Variants in FOCAD observed in about 807,000 individuals in gnomAD.
FOCAD encodes KIAA1797.
In FOCAD, 198 loss-of-function variants were observed where a neutral mutation model predicts 225.6. The observed-to-expected ratio is 0.88, with a 90% CI of 0.78 to 0.99. FOCAD has a LOEUF of 0.99. FOCAD is among the 50% of genes least tolerant of loss of function. The pLI, the probability that FOCAD is intolerant of heterozygous loss-of-function variation, is 0.00. For missense variants in FOCAD, 2,713 were observed against 2,123.6 expected, an observed-to-expected ratio of 1.28 and a Z score of -5.46; for synonymous variants, 897 against 755.0, an observed-to-expected ratio of 1.19 and a Z score of -3.08.
intron 7 of FOCAD, among the ~76,000 whole-genome samples, chr9:20,767,213 C>A (rs1433960745): frequency 6.6e-6 from 1 of 151,276 alleles, no homozygotes; most frequent in Non-Finnish European, 1.5e-5. Context: ...TTTTCTTAAT[C>A]CAGTCTATCA....
At chr9:20,891,810 A>T (rs1233268684) in intron 21 of FOCAD, among the ~76,000 whole-genome samples, 3 of 152,218 alleles carry the variant, frequency 2.0e-5, no homozygotes, top group Non-Finnish European at 4.4e-5. Context: ...AAGATGGCTA[A>T]ACTAACCAAC....
chr9:20,956,043 G>T (rs1838107632), intron 35 of FOCAD, among the ~76,000 whole-genome samples: 1 of 152,124 alleles, frequency 6.6e-6, no homozygotes, highest in Non-Finnish European at 1.5e-5. Context: ...GTATATTTAA[G>T]TCCACGTAAT....
At chr9:20,773,331 A>G (rs928293665) in intron 8 of FOCAD, among the ~76,000 whole-genome samples, 1 of 152,252 alleles carries the variant, frequency 6.6e-6, no homozygotes, top group Admixed American at 6.5e-5. Flanking sequence ...AGTGTGCATA[A>G]AAATCACTAG....
At chr9:20,690,634 G>A (rs924436629) in intron 1 of FOCAD, among the ~76,000 whole-genome samples, 1 of 152,062 alleles carries the variant, frequency 6.6e-6, no homozygotes, top group African/African-American at 2.4e-5. Context: ...CCACAGCCTT[G>A]AACTCCTGGG....
intron 21 of FOCAD, among the ~76,000 whole-genome samples, chr9:20,905,381 T>C (rs1224002088): frequency 6.6e-6 from 1 of 152,050 alleles, no homozygotes; most frequent in Non-Finnish European, 1.5e-5. Context: ...CTTTCCTTTT[T>C]TAAACTCAAG....
chr9:20,782,885 A>G (rs1819519023), intron 10 of FOCAD, among the ~76,000 whole-genome samples: 1 of 152,258 alleles, frequency 6.6e-6, no homozygotes, highest in South Asian at 2.1e-4. Flanking sequence ...AATTGAATGT[A>G]TACTACAGCT....
At chr9:20,720,075 T>C (rs145850179) in intron 3 of FOCAD, among the ~76,000 whole-genome samples, 1 of 152,294 alleles carries the variant, frequency 6.6e-6, no homozygotes, top group Admixed American at 6.5e-5. Context: ...GTTAGAGCAA[T>C]GTGCTAGAGC....
intron 1 of FOCAD, among the ~76,000 whole-genome samples, chr9:20,698,299 G>A (rs1399799723): frequency 2.0e-5 from 3 of 151,460 alleles, no homozygotes; most frequent in Non-Finnish European, 1.5e-5. Context: ...TTGCCTATTT[G>A]TTTTTTTAAT....
intron 19 of FOCAD, among the ~76,000 whole-genome samples, chr9:20,880,864 T>C (rs970025854): frequency 6.6e-6 from 1 of 152,212 alleles, no homozygotes; most frequent in African/African-American, 2.4e-5. Flanking sequence ...TTAGCTTTAA[T>C]GTTTTTTGTT....
chr9:20,721,349 T>A (rs1376664166), intron 4 of FOCAD, among the ~76,000 whole-genome samples: 1 of 152,172 alleles, frequency 6.6e-6, no homozygotes, highest in Non-Finnish European at 1.5e-5. Flanking sequence ...ATCATCGGGC[T>A]GAGTACTTAA....
chr9:20,992,673 TCAGCAGCCAGG>T (rs1371736567), intron 42 of FOCAD, among the ~76,000 whole-genome samples: 2 of 152,032 alleles, frequency 1.3e-5, no homozygotes, highest in Non-Finnish European at 2.9e-5. Context: ...AAAACCTGTA[TCAGCAGCCAGG>T]CATGGTGGCT....
intron 4 of FOCAD, among the ~76,000 whole-genome samples, chr9:20,724,386 A>G (rs903086272): frequency 1.3e-5 from 2 of 152,188 alleles, no homozygotes; most frequent in Non-Finnish European, 2.9e-5. Context: ...TTTGGCCAAC[A>G]TGTGGAAGAA....
chr9:20,826,238 A>C (rs1281552636), intron 15 of FOCAD, among the ~76,000 whole-genome samples: 1 of 152,054 alleles, frequency 6.6e-6, no homozygotes, highest in Non-Finnish European at 1.5e-5. Context: ...TCAAACTGGG[A>C]GTGTAGCATT....
At chr9:20,898,248 G>A (rs1367005406) in intron 21 of FOCAD, among the ~76,000 whole-genome samples, 3 of 151,544 alleles carry the variant, frequency 2.0e-5, no homozygotes, top group African/African-American at 7.3e-5. Flanking sequence ...TGTTGTCTGA[G>A]CCTCCTATAA....
chr9:20,791,219 GCACACACACACACACACTCACA>G (rs1267339068), intron 11 of FOCAD, among the ~76,000 whole-genome samples: 1 of 106,716 alleles, frequency 9.4e-6, no homozygotes, highest in Non-Finnish European at 2.0e-5. Flanking sequence ...ATATATGCAT[GCACACACACACACACACTCACA>G]CACACACACA....
intron 15 of FOCAD, among the ~76,000 whole-genome samples, chr9:20,846,467 G>A (rs571637251): frequency 4.6e-5 from 7 of 152,142 alleles, no homozygotes; most frequent in Non-Finnish European, 1.0e-4. Flanking sequence ...AGCCCACTAC[G>A]TAATTGTGAG....
intron 20 of FOCAD, among the ~76,000 whole-genome samples, chr9:20,882,548 A>C (rs1332260069): frequency 2.0e-5 from 3 of 152,224 alleles, no homozygotes; most frequent in Non-Finnish European, 2.9e-5. Flanking sequence ...AACAGCATGC[A>C]AGAGGTAAAA....
At chr9:20,735,305 A>G (rs1186683977) in intron 4 of FOCAD, among the ~76,000 whole-genome samples, 1 of 151,706 alleles carries the variant, frequency 6.6e-6, no homozygotes, top group Non-Finnish European at 1.5e-5. Flanking sequence ...TTAGTTACAG[A>G]TTTTTCTTTT....
chr9:20,847,762 T>A (rs1173433796), intron 15 of FOCAD, among the ~76,000 whole-genome samples: 1 of 152,016 alleles, frequency 6.6e-6, no homozygotes, highest in East Asian at 1.9e-4. Context: ...TTTAAGTGAG[T>A]GAATAGAAAA....
Sources: gnomAD v4.1 joint callset for allele counts (sites outside exome capture counted in the v4.1 genomes callset) on GRCh38, gnomAD v4.1.1 for gene constraint, MANE v1.5 for transcripts, NCBI Gene and HGNC (gene_info 2026-07-23, HGNC 2026-07-21) for gene names.